The following FHOD3 variants were observed in gnomAD, a reference collection of about 807,000 sequenced individuals.
The protein encoded by FHOD3 is FH1/FH2 domain-containing protein 3.
In FHOD3, 90 loss-of-function variants were observed where a neutral mutation model predicts 173.0. The observed-to-expected ratio is 0.52, with a 90% CI of 0.44 to 0.62. FHOD3 has a LOEUF of 0.62. FHOD3 is among the 20% of genes least tolerant of loss of function. The pLI is 0.00. For synonymous variants in FHOD3, 828 were observed against 823.0 expected, an observed-to-expected ratio of 1.01 and a Z score of -0.10; for missense variants, 1,945 against 2,034.7, an observed-to-expected ratio of 0.96 and a Z score of 0.85.
chr18:36,446,736 C>T (rs1183385663), intron 3 of FHOD3, among the ~76,000 whole-genome samples: 1 of 152,122 alleles, frequency 6.6e-6, no homozygotes, highest in Non-Finnish European at 1.5e-5. Flanking sequence ...CCCCCACCTG[C>T]CCCCAGTGCT....
intron 10 of FHOD3, among the ~76,000 whole-genome samples, chr18:36,632,209 A>G (rs964748183): frequency 3.3e-5 from 5 of 152,328 alleles, no homozygotes; most frequent in South Asian, 2.1e-4. Context: ...CCATTTTCCC[A>G]CATCATCACT....
intron 24 of FHOD3, among the ~76,000 whole-genome samples, chr18:36,752,381 C>G (rs900315926): frequency 6.6e-6 from 1 of 152,160 alleles, no homozygotes; most frequent in South Asian, 2.1e-4. Context: ...CCAAAGTCCA[C>G]CCCTCCCATT....
At chr18:36,345,217 T>TTA (rs398032477) in intron 1 of FHOD3, among the ~76,000 whole-genome samples, 2 of 151,970 alleles carry the variant, frequency 1.3e-5, no homozygotes, top group African/African-American at 4.8e-5. Context: ...TGTTTTTTTT[T>TTA]ATCACGGTGA....
intron 17 of FHOD3, among the ~76,000 whole-genome samples, chr18:36,703,625 C>T (rs1183879883): frequency 1.3e-5 from 2 of 152,118 alleles, no homozygotes; most frequent in East Asian, 3.9e-4. Flanking sequence ...CAAGCAGGAC[C>T]TGATGTCCAG....
At chr18:36,367,137 C>T (rs971773816) in intron 2 of FHOD3, among the ~76,000 whole-genome samples, 1 of 152,202 alleles carries the variant, frequency 6.6e-6, no homozygotes, top group East Asian at 1.9e-4. Flanking sequence ...AGACTTTTCC[C>T]AAGGCCACTG....
intron 5 of FHOD3, among the ~76,000 whole-genome samples, chr18:36,547,743 C>A (rs545976813): frequency 6.6e-6 from 1 of 152,216 alleles, no homozygotes; most frequent in African/African-American, 2.4e-5. Flanking sequence ...TGGAGGCAGC[C>A]TGTGTTCTTC....
rs960032730 is a variant in FHOD3, at chr18:36,756,515, G to T, written c.4425+1204G>T. Among the ~76,000 whole-genome samples, 22 of 152,238 alleles carry T rather than the reference G, an allele frequency of 1.4e-4. No individual in the cohort carries two copies. The East Asian group carries it at 1.7e-3, about 12-fold the overall frequency. On this transcript the variant is annotated intron_variant, in intron 25 of 28. Coordinates refer to ENST00000590592, the MANE Select transcript of FHOD3 (RefSeq NM_001281740.3). Reference sequence around the variant, plus strand: ...AGGCAGATTTTTGCTGGGGGAGGAAGAAAACCAATTAGGAAGACCTCACTG... The same window carrying T: ...AGGCAGATTTTTGCTGGGGGAGGAATAAAACCAATTAGGAAGACCTCACTG...
At chr18:36,725,430 G>A (rs142065458) in intron 19 of FHOD3, among the ~76,000 whole-genome samples, 205 of 152,272 alleles carry the variant, frequency 1.3e-3, no homozygotes, top group African/African-American at 4.4e-3. Flanking sequence ...AAAGAGAGGC[G>A]ATAAATATAG....
At chr18:36,540,705 G>A (rs950643310) in intron 5 of FHOD3, among the ~76,000 whole-genome samples, 1 of 152,148 alleles carries the variant, frequency 6.6e-6, no homozygotes, top group Admixed American at 6.5e-5. Flanking sequence ...GTGATTGACT[G>A]GAAAGTGTGA....
At chr18:36,365,136 C>T (rs2046834434) in intron 2 of FHOD3, among the ~76,000 whole-genome samples, 1 of 152,148 alleles carries the variant, frequency 6.6e-6, no homozygotes, top group South Asian at 2.1e-4. Context: ...AGGGCCAAAA[C>T]AATGAAACTC....
At chr18:36,686,841 T>A (rs896208720) in intron 15 of FHOD3, among the ~76,000 whole-genome samples, 1 of 152,206 alleles carries the variant, frequency 6.6e-6, no homozygotes, top group African/African-American at 2.4e-5. Flanking sequence ...AAACTTCTCT[T>A]TCCTCAGATA....
chr18:36,728,796 A>G (rs1416865033), intron 19 of FHOD3, among the ~76,000 whole-genome samples: 2 of 152,144 alleles, frequency 1.3e-5, no homozygotes, highest in African/African-American at 4.8e-5. Flanking sequence ...AGCCCTAGCC[A>G]GGGCCCCTGC....
At chr18:36,715,242 C>T (rs1478733268) in intron 18 of FHOD3, among the ~76,000 whole-genome samples, 2 of 152,212 alleles carry the variant, frequency 1.3e-5, no homozygotes, top group Non-Finnish European at 2.9e-5. Context: ...TTTCCCCCAT[C>T]CTGTTCTCAT....
intron 3 of FHOD3, among the ~76,000 whole-genome samples, chr18:36,492,113 C>T (rs193294312): frequency 9.9e-5 from 15 of 152,268 alleles, no homozygotes; most frequent in African/African-American, 3.1e-4. Flanking sequence ...CTGATCCTCC[C>T]GTGTTCTTTC....
intron 3 of FHOD3, among the ~76,000 whole-genome samples, chr18:36,403,977 C>G (rs966797862): frequency 1.3e-5 from 2 of 152,170 alleles, no homozygotes; most frequent in Admixed American, 1.3e-4. Context: ...GAAGGCTTTC[C>G]TTGTGGGATC....
In FHOD3 at chr18:36,779,475, C is replaced by A. The variant is rs1346603430; in HGVS notation, c.4814C>A (p.Thr1605Asn). The change falls in exon 29 of 29, where the codon ACC becomes AAC. Residue 1605 changes from threonine to asparagine, a missense_variant. Around this residue, in one of 5 missense-constraint regions of FHOD3, gnomAD observed 354 missense variants for 359.9 expected, o/e 0.98. Coordinates refer to ENST00000590592, the MANE Select transcript of FHOD3 (RefSeq NM_001281740.3). ...SLRRTLKSGLTPEEARALGLV... is the reference protein window; with the variant it reads ...SLRRTLKSGLNPEEARALGLV... The stretch of plus-strand genomic sequence containing the variant: ...CGAAGAACCCTGAAGAGCGGCCTGA[C>A]CCCAGAAGAAGCCAGAGCCCTGGGC... 4 of 1,614,036 alleles carry A rather than the reference C, an allele frequency of 2.5e-6. No individual in the cohort carries two copies. The highest frequency in any genetic ancestry group is 1.6e-4 in the Middle Eastern group (1 of 6,084).
intron 3 of FHOD3, among the ~76,000 whole-genome samples, chr18:36,475,300 C>A (rs2053503988): frequency 6.6e-6 from 1 of 152,070 alleles, no homozygotes; most frequent in Non-Finnish European, 1.5e-5. Context: ...TAATGGCTAA[C>A]CTACATGCAG....
At chr18:36,349,180 G>A (rs1328114884) in intron 1 of FHOD3, among the ~76,000 whole-genome samples, 3 of 152,186 alleles carry the variant, frequency 2.0e-5, no homozygotes, top group East Asian at 1.9e-4. Context: ...GTGAGCGGGG[G>A]TGGCAGGAGC....
intron 19 of FHOD3, among the ~76,000 whole-genome samples, chr18:36,720,309 C>A (rs533895338): frequency 5.5e-5 from 8 of 144,692 alleles, no homozygotes; most frequent in Admixed American, 5.0e-4. Flanking sequence ...GTGATCTTGG[C>A]TCACTGCAAC....
Sources: gnomAD v4.1 joint callset for allele counts (sites outside exome capture counted in the v4.1 genomes callset) on GRCh38, gnomAD v4.1.1 for gene constraint, gnomAD v4.1.1 regional missense constraint, MANE v1.5 for transcripts, NCBI Gene and HGNC (gene_info 2026-07-23, HGNC 2026-07-21) for gene names.